CWF19L2: variants seen among roughly 807,000 people sequenced by gnomAD.
CWF19L2 encodes the protein CWF19 like cell cycle control factor 2.
Under a neutral mutation model 111.7 loss-of-function variants are expected in CWF19L2, and 98 were observed. That is an observed-to-expected ratio of 0.88 (90% CI 0.75 to 1.04). The LOEUF is 1.04. Ranked by LOEUF, CWF19L2 falls within the 50% of genes least tolerant of loss-of-function variation. CWF19L2 has a pLI of 0.00. For synonymous variants in CWF19L2, 351 were observed against 342.9 expected, an observed-to-expected ratio of 1.02 and a Z score of -0.26; for missense variants, 1,101 against 1,051.4, an observed-to-expected ratio of 1.05 and a Z score of -0.65.
chr11:107,342,559 T>C (rs1565244792), intron 14 of CWF19L2, among the ~76,000 whole-genome samples: 2 of 151,954 alleles, frequency 1.3e-5, no homozygotes, highest in Non-Finnish European at 2.9e-5. Context: ...TTTGCTGAGA[T>C]TAGTTTTGTG....
At chr11:107,439,572 G>A (rs1861591344) in intron 5 of CWF19L2, among the ~76,000 whole-genome samples, 1 of 152,162 alleles carries the variant, frequency 6.6e-6, no homozygotes, top group South Asian at 2.1e-4. Context: ...AGACTTCCTA[G>A]AGGAAGTAAT....
At chr11:107,356,396 T>C (rs1251099972) in intron 12 of CWF19L2, among the ~76,000 whole-genome samples, 1 of 152,190 alleles carries the variant, frequency 6.6e-6, no homozygotes, top group Non-Finnish European at 1.5e-5. Context: ...ACTGAAAGAA[T>C]CAGGTAAAAA....
intron 12 of CWF19L2, among the ~76,000 whole-genome samples, chr11:107,388,107 G>C (rs1216222444): frequency 1.3e-5 from 2 of 152,124 alleles, no homozygotes; most frequent in Admixed American, 1.3e-4. Context: ...TCAGTCTGAT[G>C]AAACATCACC....
intron 10 of CWF19L2, among the ~76,000 whole-genome samples, chr11:107,405,055 G>C (rs1861057835): frequency 6.6e-6 from 1 of 152,190 alleles, no homozygotes; most frequent in Non-Finnish European, 1.5e-5. Flanking sequence ...CCAGTCTTGT[G>C]CTTGTTTTTA....
chr11:107,345,209 CTTTTA>C (rs1482008504), intron 14 of CWF19L2, among the ~76,000 whole-genome samples: 2 of 150,780 alleles, frequency 1.3e-5, no homozygotes, highest in African/African-American at 4.9e-5. Flanking sequence ...TGCTTATAAA[CTTTTA>C]TTTATTAAGA....
rs1277951042 is a variant in CWF19L2, at chr11:107,384,379, A to C, written c.1872+5695T>G. On this transcript the variant is annotated intron_variant, in intron 12 of 17. Transcript: ENST00000282251. ...TTTATGATTCATACATACCTAATAC[A>C]TATAGCCTGAAGGTAATTTTATACA... 2.0e-5 allele frequency among the ~76,000 whole-genome samples: 3 copies of C among 152,206 alleles called. No homozygotes were observed. The East Asian group carries it at 5.8e-4, about 29-fold the overall frequency.
intron 10 of CWF19L2, chr11:107,403,414 A>T (rs1313890898): frequency 9.3e-6 from 7 of 751,854 alleles, no homozygotes; most frequent in Admixed American, 3.6e-5. Context: ...CTTTTTTCTC[A>T]TCTTCTGGTA....
chr11:107,341,371 T>G (rs1346417862), intron 14 of CWF19L2, among the ~76,000 whole-genome samples: 1 of 152,208 alleles, frequency 6.6e-6, no homozygotes, highest in African/African-American at 2.4e-5. Flanking sequence ...TTGATTGATA[T>G]GAACATGGTG....
intron 14 of CWF19L2, among the ~76,000 whole-genome samples, chr11:107,348,437 C>A (rs570628555): frequency 6.6e-6 from 1 of 152,056 alleles, no homozygotes; most frequent in Non-Finnish European, 1.5e-5. Context: ...AAAAGCTGGG[C>A]CAGATTATGA....
intron 12 of CWF19L2, among the ~76,000 whole-genome samples, chr11:107,377,693 GA>G (rs1860613747): frequency 1.0e-5 from 1 of 96,388 alleles, no homozygotes; most frequent in Non-Finnish European, 2.0e-5. Context: ...CACCATTCAG[GA>G]CATAGGCATG....
At position 107,455,712 on chromosome 11, in the gene CWF19L2, G is replaced by A. The variant is rs1331642461; in HGVS notation, c.170C>T (p.Thr57Ile). The A allele has an allele frequency of 6.4e-7, 1 of 1,551,122 alleles. No individual in the cohort carries two copies. Among genetic ancestry groups the A allele is most frequent in the East Asian group, 2.4e-5 (1 of 40,878 alleles). ...CTCATTCACATCAGGTAGCATCCAT[G>A]TATCCTCACCCCGAAGTCGCTTAAG... ...KELKRLRGED[T>I]WMLPDVNERI... Residue 57 changes from threonine to isoleucine, a missense_variant, in exon 2 of 18, where the codon ACA (threonine) becomes ATA (isoleucine). Physicochemically the swap from Thr to Ile is moderately conservative, Grantham distance 89 (BLOSUM62 -1). Transcript: ENST00000282251.
chr11:107,414,730 T>C (rs1398044135), intron 10 of CWF19L2, among the ~76,000 whole-genome samples: 1 of 151,968 alleles, frequency 6.6e-6, no homozygotes, highest in African/African-American at 2.4e-5. Flanking sequence ...AACCTTGGAG[T>C]CCTCTTTGCC....
At chr11:107,442,617 G>C (rs934844563) in intron 4 of CWF19L2, among the ~76,000 whole-genome samples, 1 of 151,424 alleles carries the variant, frequency 6.6e-6, no homozygotes, top group East Asian at 1.9e-4. Flanking sequence ...TTGGGAGGTC[G>C]AGGGTGCAGA....
At position 107,332,803 on chromosome 11, in the gene CWF19L2, T is replaced by A. The variant is rs185265832; in HGVS notation, c.2439+2078A>T. Among the ~76,000 whole-genome samples, 235 of 152,212 alleles carry A rather than the reference T, an allele frequency of 1.5e-3. 1 individual carries two copies. Among genetic ancestry groups the A allele is most frequent in the African/African-American group, 5.2e-3 (215 of 41,542 alleles). Reference sequence around the variant, plus strand: ...CTTATGTACTCTTCTCATTCTTACTTCCATCCACATAATTATAAAATCTTA... The same window carrying A: ...CTTATGTACTCTTCTCATTCTTACTACCATCCACATAATTATAAAATCTTA... On this transcript the variant is annotated intron_variant, in intron 16 of 17. Transcript: ENST00000282251.
At chr11:107,400,877 G>A (rs1195158621) in intron 10 of CWF19L2, among the ~76,000 whole-genome samples, 1 of 152,060 alleles carries the variant, frequency 6.6e-6, no homozygotes, top group Non-Finnish European at 1.5e-5. Flanking sequence ...ATGATCAAGT[G>A]GGTTTTATAC....
chr11:107,402,960 G>T (rs1186811759), intron 10 of CWF19L2, among the ~76,000 whole-genome samples: 2 of 146,418 alleles, frequency 1.4e-5, no homozygotes, highest in African/African-American at 2.5e-5. Context: ...TGATGACCTG[G>T]ATGAGACTGG....
At chr11:107,396,336 G>A (rs1189666520) in intron 10 of CWF19L2, among the ~76,000 whole-genome samples, 3 of 152,098 alleles carry the variant, frequency 2.0e-5, no homozygotes, top group African/African-American at 4.8e-5. Flanking sequence ...TGCTCTGGAG[G>A]ACTTTTTATT....
chr11:107,393,478 C>A (rs144759746), intron 10 of CWF19L2, among the ~76,000 whole-genome samples: 1 of 152,028 alleles, frequency 6.6e-6, no homozygotes. Context: ...AAACTTTATT[C>A]TCTAATGGAA....
Position 107,334,957 on chromosome 11 carries a change from G to A in CWF19L2, c.2363C>T (p.Ala788Val). 1 of 1,591,388 alleles carries A rather than the reference G, an allele frequency of 6.3e-7. No individual in the cohort carries two copies. The highest frequency in any genetic ancestry group is 8.6e-7 in the Non-Finnish European group (1 of 1,160,686). The change falls in exon 16 of 18, where the codon GCC (alanine) becomes GTC (valine). Residue 788 changes from alanine (A) to valine (V), a missense_variant. Transcript: ENST00000282251. ...GDMAPIYFKKAIMESDEEWSM... is the reference protein window; with the variant it reads ...GDMAPIYFKKVIMESDEEWSM... ...CCACTCTTCATCAGATTCCATTATG[G>A]CTTTCTAAGAAATATCCATTTGTTA...
Sources: allele counts gnomAD v4.1 joint callset (sites outside exome capture counted in the v4.1 genomes callset), GRCh38; gene constraint gnomAD v4.1.1; transcripts MANE v1.5; gene names NCBI Gene and HGNC (gene_info 2026-07-23, HGNC 2026-07-21).